Variants in GALNT16 observed in about 807,000 individuals in gnomAD.
The protein encoded by GALNT16 is UDP-GalNAc:polypeptide N-acetylgalactosaminyltransferase-like protein 1.
GALNT16 carries 40 observed loss-of-function variants against 76.1 expected under a neutral mutation model. That is an observed-to-expected ratio of 0.53 (90% CI 0.41 to 0.68). The LOEUF is 0.68. Among genes scored for constraint, GALNT16 ranks in the 30% least tolerant of loss-of-function variants. The probability of loss-of-function intolerance (pLI) is 0.00; values close to 1 mark genes in which losing one functional copy is unlikely to be tolerated. For missense variants in GALNT16, 621 were observed against 731.9 expected, an observed-to-expected ratio of 0.85 and a Z score of 1.75; for synonymous variants, 276 against 285.2, an observed-to-expected ratio of 0.97 and a Z score of 0.32.
At chr14:69,322,885 C>T (rs950042809) in intron 2 of GALNT16, among the ~76,000 whole-genome samples, 10 of 147,796 alleles carry the variant, frequency 6.8e-5, no homozygotes, top group Admixed American at 6.7e-5. Flanking sequence ...AGTAAGGCTC[C>T]GTCTCAAAAA....
chr14:69,377,402 A>T, the GALNT16 span, among the ~76,000 whole-genome samples: 1 of 152,212 alleles, frequency 6.6e-6, no homozygotes, highest in Non-Finnish European at 1.5e-5. Context: ...CCTATCTCAA[A>T]GGGTTGCTGT....
At position 69,348,246 on chromosome 14, in the gene GALNT16, G is replaced by C. The variant is rs756911152; in HGVS notation, c.1539+244G>C. 8.1e-5 allele frequency: 48 copies of C among 595,800 alleles called. No homozygotes were observed. The African/African-American group carries it at 8.4e-4, about 10-fold the overall frequency. The allele number at this position is 595,800 out of a possible 1,614,324, so 36.9% of individuals were successfully genotyped here. A position where few individuals can be genotyped will look rare whatever the true frequency, so the allele number is the denominator to read the frequency against. On this transcript the variant is annotated intron_variant, in intron 14 of 14. Coordinates refer to ENST00000448469, the MANE Select transcript of GALNT16 (RefSeq NM_001168368.2). Reference sequence around the variant, plus strand: ...AGGCTGTGAGCTCCATGAAGGCAGGGACCACTTGTCTTGTTAACACTGTAT... The same window carrying C: ...AGGCTGTGAGCTCCATGAAGGCAGGCACCACTTGTCTTGTTAACACTGTAT...
At chr14:69,373,391 G>A in the GALNT16 span, among the ~76,000 whole-genome samples, 4 of 152,208 alleles carry the variant, frequency 2.6e-5, no homozygotes, top group African/African-American at 7.2e-5. Context: ...TCTCAGTTAA[G>A]CGATGTCATC....
At position 69,260,245 on chromosome 14, in the gene GALNT16, G is replaced by T; in HGVS notation, c.-46G>T. 1 of 1,434,992 alleles carries T rather than the reference G, an allele frequency of 7.0e-7. No individual in the cohort carries two copies. Among genetic ancestry groups the T allele is most frequent in the South Asian group, 1.1e-5 (1 of 88,350 alleles). The allele number at this position is 1,434,992 out of a possible 1,614,324, so 88.9% of individuals were successfully genotyped here. ...GCGAGCGCCCCCGCCCCGGCCCCGA[G>T]AGCACGCCGGCCCAGTCCCCCACCT... On this transcript the variant is annotated 5_prime_UTR_variant, in exon 1 of 15. Transcript: ENST00000448469.
chr14:69,285,661 C>T (rs933693758), intron 1 of GALNT16, among the ~76,000 whole-genome samples: 31 of 152,112 alleles, frequency 2.0e-4, no homozygotes, highest in African/African-American at 6.0e-4. Flanking sequence ...CTGTGGCAGT[C>T]GCATGGAGAA....
chr14:69,318,535 A>G (rs2045133814), intron 1 of GALNT16, among the ~76,000 whole-genome samples: 1 of 152,206 alleles, frequency 6.6e-6, no homozygotes, highest in Admixed American at 6.5e-5. Flanking sequence ...AAATGAATGC[A>G]TGTTTAGGTG....
chr14:69,344,991 G>A, intron 12 of GALNT16, among the ~76,000 whole-genome samples: 1 of 152,172 alleles, frequency 6.6e-6, no homozygotes, highest in Non-Finnish European at 1.5e-5. Context: ...AATGGGTAAG[G>A]ATGAGACAAT....
rs7147076 is a variant in GALNT16 at position 69,320,872 on chromosome 14, C to T, written c.335+4C>T. 37,075 of 1,612,368 alleles carry T rather than the reference C, an allele frequency of 0.023. 549 individuals are homozygous for T. Among genetic ancestry groups the T allele is most frequent in the Non-Finnish European group, 0.027 (32,028 of 1,179,134 alleles). On this transcript the variant is annotated splice_donor_region_variant and intron_variant, in intron 2 of 14. Coordinates refer to ENST00000448469, the MANE Select transcript of GALNT16 (RefSeq NM_001168368.2). ...TCCGGGACACCCGCCATTACAGGTACGGCCTCCATCGTGTCAGTGGAGGAA... is the reference window on the plus strand; with the variant it reads ...TCCGGGACACCCGCCATTACAGGTATGGCCTCCATCGTGTCAGTGGAGGAA...
Position 69,325,044 on chromosome 14 carries a change from C to T in GALNT16, c.434+254C>T, listed in dbSNP as rs531139407. ...GCAGGTGTCAGGAGCTGAGGGAGGCCGGGCTAGACAGGAGGCCTCAGGAGG... is the reference window on the plus strand; with the variant it reads ...GCAGGTGTCAGGAGCTGAGGGAGGCTGGGCTAGACAGGAGGCCTCAGGAGG... On this transcript the variant is annotated intron_variant, in intron 3 of 14. Transcript: ENST00000448469. 1.3e-4 allele frequency among the ~76,000 whole-genome samples: 20 copies of T among 152,280 alleles called. No individual in the cohort carries two copies. The East Asian group carries it at 2.1e-3, about 16-fold the overall frequency.
At chr14:69,379,720 C>T in the GALNT16 span, among the ~76,000 whole-genome samples, 1 of 152,140 alleles carries the variant, frequency 6.6e-6, no homozygotes, top group South Asian at 2.1e-4. Flanking sequence ...GTGGTTTTTC[C>T]CTTGCCCTTA....
At chr14:69,347,002 G>A in intron 12 of GALNT16, 38 bp from the exon 13 acceptor site, 6 of 1,613,532 alleles carry the variant, frequency 3.7e-6, no homozygotes, top group Non-Finnish European at 5.1e-6. Flanking sequence ...AAGCCTTGGG[G>A]GGGAAAGCAC....
At chr14:69,311,407 A>G (rs1198919574) in intron 1 of GALNT16, among the ~76,000 whole-genome samples, 1 of 152,130 alleles carries the variant, frequency 6.6e-6, no homozygotes, top group Non-Finnish European at 1.5e-5. Context: ...ATACCACCAC[A>G]ATGGGGATTA....
At chr14:69,317,649 A>T (rs1257059173) in intron 1 of GALNT16, among the ~76,000 whole-genome samples, 2 of 152,208 alleles carry the variant, frequency 1.3e-5, no homozygotes, top group Non-Finnish European at 2.9e-5. Context: ...CAGGCTATGG[A>T]GCATGGGAGG....
chr14:69,288,542 C>T (rs1181543684), intron 1 of GALNT16, among the ~76,000 whole-genome samples: 2 of 152,314 alleles, frequency 1.3e-5, no homozygotes, highest in South Asian at 2.1e-4. Flanking sequence ...AGGCTGGCCA[C>T]GTTTCCTTCA....
intron 1 of GALNT16, among the ~76,000 whole-genome samples, chr14:69,260,772 G>A (rs910335789): frequency 2.6e-5 from 4 of 152,028 alleles, no homozygotes; most frequent in African/African-American, 9.7e-5. Context: ...TGCGCTGCCG[G>A]GGCCGGGAGT....
chr14:69,300,315 C>G (rs993561694), intron 1 of GALNT16, among the ~76,000 whole-genome samples: 2 of 152,180 alleles, frequency 1.3e-5, no homozygotes, highest in African/African-American at 2.4e-5. Context: ...CTCACATATT[C>G]ACAAATATGC....
intron 1 of GALNT16, among the ~76,000 whole-genome samples, chr14:69,269,424 T>G (rs2044377289): frequency 6.6e-6 from 1 of 151,226 alleles, no homozygotes; most frequent in South Asian, 2.1e-4. Context: ...GGTATGTGTA[T>G]GTGTGGTATG....
At chr14:69,282,943 G>T (rs2044563494) in intron 1 of GALNT16, among the ~76,000 whole-genome samples, 1 of 152,130 alleles carries the variant, frequency 6.6e-6, no homozygotes, top group South Asian at 2.1e-4. Flanking sequence ...TGGGATTACA[G>T]GTGTGAGCCA....
At chr14:69,294,185 G>A (rs561035750) in intron 1 of GALNT16, among the ~76,000 whole-genome samples, 67 of 151,440 alleles carry the variant, frequency 4.4e-4, no homozygotes, top group Admixed American at 1.4e-3. Flanking sequence ...GCAATGGTGC[G>A]ATCTCGGCTC....
Sources: gnomAD v4.1 joint callset for allele counts (sites outside exome capture counted in the v4.1 genomes callset) on GRCh38, gnomAD v4.1.1 for gene constraint, MANE v1.5 for transcripts, NCBI Gene and HGNC (gene_info 2026-07-23, HGNC 2026-07-21) for gene names.